Variants in DNMBP observed in about 807,000 individuals in gnomAD.
The protein encoded by DNMBP is dynamin-binding protein.
A neutral mutation model predicts 150.0 loss-of-function variants in DNMBP; 87 were observed. The ratio of observed to expected loss-of-function variants is 0.58; its 90% CI spans 0.49 to 0.69. The LOEUF is 0.69. Among genes scored for constraint, DNMBP ranks in the 30% least tolerant of loss-of-function variants. DNMBP has a pLI of 0.00. For synonymous variants in DNMBP, 711 were observed against 750.4 expected (o/e 0.95, Z 0.86); for missense variants, 1,774 against 1,949.0 (o/e 0.91, Z 1.69).
At chr10:99,937,411 T>C (rs2040245602) in intron 4 of DNMBP, among the ~76,000 whole-genome samples, 1 of 152,134 alleles carries the variant, frequency 6.6e-6, no homozygotes, top group Non-Finnish European at 1.5e-5. Context: ...TTATACTTGT[T>C]TTACCACAGA....
At position 99,901,834 on chromosome 10, in the gene DNMBP, T is replaced by A. The variant is rs2039743707; in HGVS notation, c.2555-1768A>T. ...CCCCTCCCCTCAGGGAGCCTATCGC[T>A]GCTTCTGTGGACTCACCTCTGTTCT... On this transcript the variant is annotated intron_variant, in intron 6 of 16. Transcript: ENST00000324109. Among the ~76,000 whole-genome samples, 3 of 152,314 alleles carry A rather than the reference T, an allele frequency of 2.0e-5. No individual in the cohort carries two copies. In the South Asian group the frequency reaches 6.2e-4, roughly 32 times the overall value.
At chr10:99,995,932 G>A (rs1468360012) in intron 1 of DNMBP, among the ~76,000 whole-genome samples, 1 of 152,230 alleles carries the variant, frequency 6.6e-6, no homozygotes, top group Non-Finnish European at 1.5e-5. Flanking sequence ...GCAAGGCCAC[G>A]TGGACACATT....
intron 4 of DNMBP, among the ~76,000 whole-genome samples, chr10:99,942,842 T>G (rs2040315112): frequency 6.6e-6 from 1 of 152,254 alleles, no homozygotes; most frequent in South Asian, 2.1e-4. Flanking sequence ...TAAAATCCTT[T>G]AGAAGTAACT....
intron 1 of DNMBP, among the ~76,000 whole-genome samples, chr10:99,984,924 T>C (rs377241738): frequency 1.3e-5 from 2 of 152,286 alleles, no homozygotes; most frequent in East Asian, 3.9e-4. Flanking sequence ...CTTTTTTGTG[T>C]ACAGACAGGA....
intron 4 of DNMBP, among the ~76,000 whole-genome samples, chr10:99,912,881 C>G (rs1422561755): frequency 6.6e-6 from 1 of 152,192 alleles, no homozygotes; most frequent in Non-Finnish European, 1.5e-5. Flanking sequence ...CATTTATTAA[C>G]ACTCAAAGAG....
intron 9 of DNMBP, 141 bp downstream of exon 9, chr10:99,897,945 C>A (rs943091294): frequency 4.4e-5 from 30 of 682,504 alleles, no homozygotes; most frequent in Non-Finnish European, 7.6e-5. Flanking sequence ...CATATTTCCC[C>A]CAAATTCTAC....
intron 1 of DNMBP, among the ~76,000 whole-genome samples, chr10:99,974,206 T>A (rs1028818514): frequency 2.0e-5 from 3 of 152,180 alleles, no homozygotes; most frequent in African/African-American, 4.8e-5. Context: ...CCAGACAAGA[T>A]TTAGCATCCT....
chr10:99,921,305 G>A (rs2040020176), intron 4 of DNMBP, among the ~76,000 whole-genome samples: 1 of 152,134 alleles, frequency 6.6e-6, no homozygotes, highest in South Asian at 2.1e-4. Context: ...CTAGTCCTTG[G>A]ATTGCTCTTT....
In DNMBP at chr10:99,908,091, G is replaced by C; in HGVS notation, c.2458C>G (p.Pro820Ala). ...AAAAGTCCCTCAAAATCAATGTTTG[G>C]TACCTGAGAAAAGGAAACAAAACAT... ...IMVPMQQAQV[P>A]NIDFEGLFGN... Residue 820 changes from proline (P) to alanine (A), a missense_variant, in exon 6 of 17, where the codon CCA becomes GCA. By Grantham distance (27) the Pro-to-Ala change is conservative. This residue lies in a region of DNMBP where 1,430 missense variants were observed against 1,492.5 expected (regional missense o/e 0.96). Coordinates refer to ENST00000324109, the MANE Select transcript of DNMBP (RefSeq NM_015221.4). 1.2e-6 allele frequency: 2 copies of C among 1,609,798 alleles called. No homozygotes were observed. The highest frequency in any genetic ancestry group is 1.7e-6 in the Non-Finnish European group (2 of 1,176,302).
chr10:99,920,801 T>C (rs1248690468), intron 4 of DNMBP, among the ~76,000 whole-genome samples: 1 of 152,118 alleles, frequency 6.6e-6, no homozygotes, highest in African/African-American at 2.4e-5. Flanking sequence ...CAAGCAATCC[T>C]CCCAAGTAGC....
chr10:99,944,390 C>T (rs2040334750), intron 4 of DNMBP, among the ~76,000 whole-genome samples: 1 of 152,150 alleles, frequency 6.6e-6, no homozygotes, highest in African/African-American at 2.4e-5. Flanking sequence ...GATAGGGTAG[C>T]ACTAGGTAGT....
At chr10:99,891,177 C>CCCCTCT (rs992907948) in intron 11 of DNMBP, among the ~76,000 whole-genome samples, 35 of 147,732 alleles carry the variant, frequency 2.4e-4, no homozygotes, top group African/African-American at 5.5e-4. Context: ...CCTCTCCCTC[C>CCCCTCT]CCCTCTCCCT....
At chr10:99,980,748 T>C (rs547256931) in intron 1 of DNMBP, among the ~76,000 whole-genome samples, 1 of 131,912 alleles carries the variant, frequency 7.6e-6, no homozygotes, top group Non-Finnish European at 1.6e-5. Flanking sequence ...GAGGCTGCCA[T>C]GAACAGTGTT....
Position 99,875,610 on chromosome 10 carries a change from AC to A in DNMBP, c.*1540del, listed in dbSNP as rs2039257472. On this transcript the variant is annotated 3_prime_UTR_variant, in exon 17 of 17. Transcript: ENST00000324109. ...AAATGCTTTTATTTATAAAAGAACT[AC>A]TTAAATATAAACATCTCTACATAGA... 6.6e-6 allele frequency: 1 copy of A among 152,358 alleles called. No homozygotes were observed. 9.4% of individuals were successfully genotyped at this position (152,358 alleles called of 1,614,324 possible). A position where few individuals can be genotyped will look rare whatever the true frequency, so the allele number is the denominator to read the frequency against.
intron 4 of DNMBP, among the ~76,000 whole-genome samples, chr10:99,954,606 T>C (rs1320743675): frequency 6.6e-6 from 1 of 151,580 alleles, no homozygotes; most frequent in Non-Finnish European, 1.5e-5. Context: ...TAGCCAGGCA[T>C]GGTGGCGCTT....
chr10:99,899,654 T>C (rs2039709733), intron 7 of DNMBP, among the ~76,000 whole-genome samples: 1 of 146,146 alleles, frequency 6.8e-6, no homozygotes, highest in Non-Finnish European at 1.5e-5. Context: ...AAAAACCCTG[T>C]ATTTAGTCTT....
At chr10:99,951,775 T>C (rs920669983) in intron 4 of DNMBP, among the ~76,000 whole-genome samples, 1 of 152,256 alleles carries the variant, frequency 6.6e-6, no homozygotes, top group Admixed American at 6.5e-5. Flanking sequence ...TACAGGCTCA[T>C]AGGCAGAAGG....
chr10:99,880,242 T>TG lies in DNMBP; in HGVS notation c.4116dup (p.Arg1373GlnfsTer42), dbSNP rs771102564. On this transcript the variant is annotated frameshift_variant, in exon 16 of 17. Coordinates refer to ENST00000324109, the MANE Select transcript of DNMBP (RefSeq NM_015221.4). LOFTEE classifies it high-confidence loss of function. ...CTGCCGCTGTTCTGGCGTGGGAACC[T>TG]GGGGGAGGAGCTGCCGTGCTCAGAC... 4.3e-6 allele frequency: 7 copies of TG among 1,614,024 alleles called. No homozygotes were observed. The highest frequency in any genetic ancestry group is 5.1e-6 in the Non-Finnish European group (6 of 1,179,994).
chr10:99,993,084 C>A (rs545231686), intron 1 of DNMBP, among the ~76,000 whole-genome samples: 6 of 152,048 alleles, frequency 3.9e-5, no homozygotes, highest in Non-Finnish European at 8.8e-5. Context: ...AAAAATAAAA[C>A]CTGCTCATAG....
Sources: gnomAD v4.1 joint callset for allele counts (sites outside exome capture counted in the v4.1 genomes callset) on GRCh38, gnomAD v4.1.1 for gene constraint, gnomAD v4.1.1 regional missense constraint, MANE v1.5 for transcripts, NCBI Gene and HGNC (gene_info 2026-07-23, HGNC 2026-07-21) for gene names.